DMXL1: variants seen among roughly 807,000 people sequenced by gnomAD.
DMXL1 encodes Dmx like 1, also known as dmX-like protein 1.
A neutral mutation model predicts 319.2 loss-of-function variants in DMXL1; 99 were observed. The ratio of observed to expected loss-of-function variants is 0.31; its 90% CI spans 0.26 to 0.37. The LOEUF (loss-of-function observed/expected upper bound fraction) is 0.37, where lower values mean the gene tolerates loss of function less well. Ranked by LOEUF, DMXL1 falls within the 10% of genes least tolerant of loss-of-function variation. The pLI is 1.00. For synonymous variants in DMXL1, 1,385 were observed against 1,235.2 expected, an observed-to-expected ratio of 1.12 and a Z score of -2.54; for missense variants, 3,745 against 3,595.6, an observed-to-expected ratio of 1.04 and a Z score of -1.06.
intron 40 of DMXL1, among the ~76,000 whole-genome samples, chr5:119,237,751 G>C (rs996016971): frequency 6.6e-6 from 1 of 151,944 alleles, no homozygotes; most frequent in East Asian, 1.9e-4. Flanking sequence ...AGACCAATGC[G>C]TCTGGTTATT....
intron 3 of DMXL1, among the ~76,000 whole-genome samples, chr5:119,102,952 C>T (rs1228328008): frequency 6.6e-6 from 1 of 151,930 alleles, no homozygotes; most frequent in Non-Finnish European, 1.5e-5. Context: ...GGGAGGGGAG[C>T]AGAAAAGATA....
chr5:119,149,391 T>C lies in DMXL1; in HGVS notation c.3564T>C (p.Ser1188=), dbSNP rs143739384. ...KETLAFPLWE[S]TKVVPLSKFV... Reference sequence around the variant, plus strand: ...CCCTGGCATTTCCTCTCTGGGAGAGTACCAAAGTTGTGCCCCTTTCTAAAT... The same window carrying C: ...CCCTGGCATTTCCTCTCTGGGAGAGCACCAAAGTTGTGCCCCTTTCTAAAT... The change falls in exon 18 of 44, where the codon AGT becomes AGC. Residue 1188 remains serine, a synonymous_variant. Coordinates refer to ENST00000539542, the MANE Select transcript of DMXL1 (RefSeq NM_001290321.3). 1.8e-4 allele frequency: 286 copies of C among 1,613,686 alleles called. 1 individual carries two copies. The African/African-American group carries it at 3.6e-3, about 20-fold the overall frequency.
intron 35 of DMXL1, 21 bp downstream of exon 35, chr5:119,217,008 CTTTTG>C: frequency 1.5e-6 from 2 of 1,324,054 alleles, no homozygotes; most frequent in Non-Finnish European, 2.1e-6. Context: ...AGACATTCTT[CTTTTG>C]TTTATTAAGT....
intron 1 of DMXL1, among the ~76,000 whole-genome samples, chr5:119,079,449 A>C (rs1751706546): frequency 6.6e-6 from 1 of 152,232 alleles, no homozygotes; most frequent in Non-Finnish European, 1.5e-5. Flanking sequence ...AAACATGCTT[A>C]AAATTCTCAT....
At chr5:119,133,013 C>G in intron 10 of DMXL1, 119 bp from the exon 11 acceptor site, 1 of 1,081,000 alleles carries the variant, frequency 9.3e-7, no homozygotes, top group African/African-American at 1.6e-5. Flanking sequence ...TACAGAGCTT[C>G]CATGCTCTCC....
chr5:119,120,208 G>C (rs1011215436), intron 8 of DMXL1, among the ~76,000 whole-genome samples: 17 of 152,170 alleles, frequency 1.1e-4, no homozygotes, highest in Non-Finnish European at 1.9e-4. Flanking sequence ...CCTGAAAACA[G>C]AAGTGATTTT....
At chr5:119,109,667 G>T (rs1227324910) in intron 4 of DMXL1, among the ~76,000 whole-genome samples, 3 of 152,086 alleles carry the variant, frequency 2.0e-5, no homozygotes, top group Admixed American at 6.6e-5. Context: ...TTTCTGAAAT[G>T]CCTGTCTCTT....
chr5:119,104,373 T>A (rs994591317), intron 3 of DMXL1: 2 of 152,230 alleles, frequency 1.3e-5, no homozygotes, highest in Non-Finnish European at 2.9e-5. Flanking sequence ...GGTGTTAAAG[T>A]ACAGGTTTCT....
At position 119,148,769 on chromosome 5, in the gene DMXL1, C is replaced by A; in HGVS notation, c.2942C>A (p.Ala981Glu). Residue 981 changes from alanine (A) to glutamate (E), a missense_variant, in exon 18 of 44, where the codon GCA (alanine) becomes GAA (glutamate). By Grantham distance (107) the Ala-to-Glu change is moderately radical. Around this residue, in one of 4 missense-constraint regions of DMXL1, gnomAD observed 2,096 missense variants for 1,985.4 expected, o/e 1.06. Coordinates refer to ENST00000539542, the MANE Select transcript of DMXL1 (RefSeq NM_001290321.3). ...GHLSSSSIYP[A>E]CSAPYLLATS... Reference sequence around the variant, plus strand: ...CTGAGTTCATCTTCTATATATCCTGCATGCAGTGCTCCTTATTTATTGGCA... The same window carrying A: ...CTGAGTTCATCTTCTATATATCCTGAATGCAGTGCTCCTTATTTATTGGCA... 6.2e-7 allele frequency: 1 copy of A among 1,613,248 alleles called. No individual in the cohort carries two copies. The highest frequency in any genetic ancestry group is 8.5e-7 in the Non-Finnish European group (1 of 1,179,458).
At chr5:119,081,209 GA>G (rs1327793481) in intron 1 of DMXL1, among the ~76,000 whole-genome samples, 4 of 152,148 alleles carry the variant, frequency 2.6e-5, no homozygotes, top group African/African-American at 9.7e-5. Flanking sequence ...GCAAGGCAAA[GA>G]AGACAGCTGC....
chr5:119,177,316 TA>T, intron 26 of DMXL1, 40 bp from the exon 27 acceptor site: 1 of 1,343,980 alleles, frequency 7.4e-7, no homozygotes, highest in Non-Finnish European at 9.9e-7. Flanking sequence ...AAATATTATA[TA>T]AAATTTATCA....
Position 119,100,496 on chromosome 5 carries a change from T to C in DMXL1, c.214-1439T>C, listed in dbSNP as rs1002737389. The C allele has an allele frequency of 2.3e-4, 35 of 152,196 alleles. 1 individual carries two copies. The highest frequency in any genetic ancestry group is 2.8e-4 in the Non-Finnish European group (19 of 67,996). 9.4% of individuals were successfully genotyped at this position (152,196 alleles called of 1,614,324 possible). The stretch of plus-strand genomic sequence containing the variant: ...ACCTGTATTTTTATTATTACTGTTT[T>C]TTTCTTTGTACTGTACTACCACCTA... On this transcript the variant is annotated intron_variant, in intron 2 of 43. Coordinates refer to ENST00000539542, the MANE Select transcript of DMXL1 (RefSeq NM_001290321.3).
At chr5:119,197,640 TCA>T in intron 31 of DMXL1, 113 bp from the exon 32 acceptor site, 1 of 945,362 alleles carries the variant, frequency 1.1e-6, no homozygotes, top group Non-Finnish European at 1.6e-6. Flanking sequence ...ATATTTCATC[TCA>T]GTCTTTTTTT....
intron 1 of DMXL1, among the ~76,000 whole-genome samples, chr5:119,082,390 G>T (rs1457405306): frequency 6.6e-6 from 1 of 151,716 alleles, no homozygotes; most frequent in Non-Finnish European, 1.5e-5. Context: ...TCCTCCCACC[G>T]CAGTGTCCCA....
Position 119,148,735 on chromosome 5 carries a change from T to G in DMXL1, c.2912-4T>G. 3 of 1,593,848 alleles carry G rather than the reference T, an allele frequency of 1.9e-6. No individual in the cohort carries two copies. The highest frequency in any genetic ancestry group is 2.6e-6 in the Non-Finnish European group (3 of 1,169,220). ...ATTTTGTTAACGGATTATTTTTATT[T>G]TAGGACATCTGAGTTCATCTTCTAT... On this transcript the variant is annotated splice_region_variant and splice_polypyrimidine_tract_variant and intron_variant, in intron 17 of 43. Transcript: ENST00000539542.
intron 10 of DMXL1, among the ~76,000 whole-genome samples, chr5:119,131,032 G>C (rs10037944): frequency 0.13 from 19,647 of 150,868 alleles, 1,474 homozygotes; most frequent in Middle Eastern, 0.18. Context: ...GTTGATAACG[G>C]GACAATGGAC....
intron 16 of DMXL1, 48 bp from the exon 17 acceptor site, chr5:119,147,201 A>C: frequency 6.7e-7 from 1 of 1,498,638 alleles, no homozygotes; most frequent in Non-Finnish European, 9.2e-7. Context: ...CGTAATATTT[A>C]TAGGGTTCCC....
chr5:119,217,259 A>C (rs1783853064), intron 35 of DMXL1, among the ~76,000 whole-genome samples: 1 of 152,188 alleles, frequency 6.6e-6, no homozygotes. Flanking sequence ...AATTTATACA[A>C]TGTACTATAG....
At chr5:119,123,280 G>C (rs899032140) in intron 9 of DMXL1, among the ~76,000 whole-genome samples, 1 of 150,066 alleles carries the variant, frequency 6.7e-6, no homozygotes, top group African/African-American at 2.5e-5. Context: ...CTCGGCATCA[G>C]AGGGAGAGCG....
Sources: allele counts gnomAD v4.1 joint callset (sites outside exome capture counted in the v4.1 genomes callset), GRCh38; gene constraint gnomAD v4.1.1; regional missense constraint gnomAD v4.1.1; transcripts MANE v1.5; gene names NCBI Gene and HGNC (gene_info 2026-07-23, HGNC 2026-07-21).